Variants in SEMA5A observed in about 807,000 individuals in gnomAD.
The protein encoded by SEMA5A is semaphorin 5A.
Under a neutral mutation model 135.5 loss-of-function variants are expected in SEMA5A, and 55 were observed. That is an observed-to-expected ratio of 0.41 (90% CI 0.33 to 0.51). SEMA5A has a LOEUF of 0.51. SEMA5A is among the 20% of genes least tolerant of loss of function. The probability of loss-of-function intolerance (pLI) is 0.37; values close to 1 mark genes in which losing one functional copy is unlikely to be tolerated. For synonymous variants in SEMA5A, 580 were observed against 546.5 expected, an observed-to-expected ratio of 1.06 and a Z score of -0.85; for missense variants, 1,290 against 1,419.9, an observed-to-expected ratio of 0.91 and a Z score of 1.47.
chr5:9,484,922 G>A (rs1760020848), intron 1 of SEMA5A, among the ~76,000 whole-genome samples: 1 of 152,020 alleles, frequency 6.6e-6, no homozygotes, highest in South Asian at 2.1e-4. Context: ...CCATGAGTGG[G>A]GCTGCATATA....
At position 9,066,671 on chromosome 5, in the gene SEMA5A, T is replaced by TTAC. The variant is rs763576672; in HGVS notation, c.2074-28_2074-26dup. ...CCTGGGGAGAATGCGCAGACGAGTGTTACTATACGGGGTAAACAGAGCAAC... is the reference window on the plus strand; with the variant it reads ...CCTGGGGAGAATGCGCAGACGAGTGTTACTACTATACGGGGTAAACAGAGCAAC... On this transcript the variant is annotated intron_variant, in intron 16 of 22. Coordinates refer to ENST00000382496, the MANE Select transcript of SEMA5A (RefSeq NM_003966.3). 5.6e-6 allele frequency: 9 copies of TTAC among 1,607,120 alleles called. No homozygotes were observed. The African/African-American group carries it at 1.1e-4, about 19-fold the overall frequency.
intron 1 of SEMA5A, among the ~76,000 whole-genome samples, chr5:9,458,537 C>T (rs187876131): frequency 1.2e-4 from 18 of 152,316 alleles, no homozygotes; most frequent in African/African-American, 2.2e-4. Context: ...CTCGCCCATA[C>T]GCCACCCAGC....
intron 2 of SEMA5A, among the ~76,000 whole-genome samples, chr5:9,391,791 T>C (rs1756171629): frequency 6.6e-6 from 1 of 152,198 alleles, no homozygotes; most frequent in African/African-American, 2.4e-5. Context: ...CAGATAAATC[T>C]TTGTAAAGAG....
chr5:9,224,331 T>C (rs1427040844), intron 8 of SEMA5A, among the ~76,000 whole-genome samples: 1 of 152,028 alleles, frequency 6.6e-6, no homozygotes, highest in African/African-American at 2.4e-5. Flanking sequence ...ACACATAAAA[T>C]GGAAGTTAAG....
chr5:9,380,391 G>A (rs918822341), intron 2 of SEMA5A, among the ~76,000 whole-genome samples: 6 of 152,062 alleles, frequency 3.9e-5, no homozygotes, highest in East Asian at 3.9e-4. Context: ...AACCCCTTGC[G>A]CAAACACAGG....
chr5:9,410,231 G>A (rs1303110840), intron 2 of SEMA5A, among the ~76,000 whole-genome samples: 1 of 152,106 alleles, frequency 6.6e-6, no homozygotes, highest in African/African-American at 2.4e-5. Flanking sequence ...TATTAAGAAA[G>A]TAAAAATTAA....
intron 16 of SEMA5A, among the ~76,000 whole-genome samples, chr5:9,088,241 T>G (rs952991949): frequency 8.0e-5 from 12 of 150,826 alleles, no homozygotes; most frequent in African/African-American, 2.9e-4. Flanking sequence ...GAGGCAGAGG[T>G]TGCAGTGAGC....
At chr5:9,419,072 G>A (rs116638326) in intron 2 of SEMA5A, among the ~76,000 whole-genome samples, 1,821 of 150,024 alleles carry the variant, frequency 0.012, 32 homozygotes, top group African/African-American at 0.043. Context: ...TTGTGTCCTC[G>A]TATTCATTGA....
intron 16 of SEMA5A, among the ~76,000 whole-genome samples, chr5:9,084,356 G>C (rs545515826): frequency 1.9e-4 from 29 of 152,230 alleles, no homozygotes; most frequent in African/African-American, 6.5e-4. Context: ...TGATGTTTCT[G>C]TTGGCTTCCC....
intron 1 of SEMA5A, among the ~76,000 whole-genome samples, chr5:9,537,371 T>C (rs1032869460): frequency 3.3e-5 from 5 of 152,156 alleles, no homozygotes; most frequent in African/African-American, 4.8e-5. Flanking sequence ...ATCCTTGAAA[T>C]CTAGAGAACA....
At position 9,066,449 on chromosome 5, in the gene SEMA5A, G is replaced by A. The variant is rs1445532242; in HGVS notation, c.2271C>T (p.Ser757=). 4 of 1,614,208 alleles carry A rather than the reference G, an allele frequency of 2.5e-6. No individual in the cohort carries two copies. The highest frequency in any genetic ancestry group is 4.5e-5 in the East Asian group (2 of 44,890). ...RQRIEMRYCS[S]DGTSGCSTDG... Reference sequence around the variant, plus strand: ...CTGTGGAGCAGCCACTGGTGCCGTCGCTAGAACAGTACCGCATTTCGATTC... The same window carrying A: ...CTGTGGAGCAGCCACTGGTGCCGTCACTAGAACAGTACCGCATTTCGATTC... The change falls in exon 17 of 23, where the codon AGC becomes AGT. Residue 757 remains serine, a synonymous_variant. Transcript: ENST00000382496.
chr5:9,478,714 C>T (rs1251938310), intron 1 of SEMA5A, among the ~76,000 whole-genome samples: 3 of 152,202 alleles, frequency 2.0e-5, no homozygotes, highest in Admixed American at 1.3e-4. Context: ...TTGGAAGTAA[C>T]TAAATTGCTT....
Position 9,105,657 on chromosome 5 carries a change from C to T in SEMA5A, c.2073+2483G>A, listed in dbSNP as rs6885810. Among the ~76,000 whole-genome samples the T allele has an allele frequency of 3.4e-3, 516 of 152,230 alleles. 1 individual carries two copies. The highest frequency in any genetic ancestry group is 6.2e-3 in the Non-Finnish European group (420 of 68,014). On this transcript the variant is annotated intron_variant, in intron 16 of 22. Transcript: ENST00000382496. ...TGGCACCCTCCTTGATACAGGAGCTCTCAGTAGGAAAAACCATCACCGCCT... is the reference window on the plus strand; with the variant it reads ...TGGCACCCTCCTTGATACAGGAGCTTTCAGTAGGAAAAACCATCACCGCCT...
chr5:9,122,201 C>G lies in SEMA5A; in HGVS notation c.1781+455G>C, dbSNP rs146426597. Among the ~76,000 whole-genome samples the G allele has an allele frequency of 1.7e-3, 265 of 152,280 alleles. 2 individuals are homozygous for G. Among genetic ancestry groups the G allele is most frequent in the African/African-American group, 6.2e-3 (256 of 41,556 alleles). The stretch of plus-strand genomic sequence containing the variant: ...AATAGGTTATCTTATTTAAACTGCT[C>G]TCTTGATTACCCAGTGCCTAACGTT... On this transcript the variant is annotated intron_variant, in intron 14 of 22. Coordinates refer to ENST00000382496, the MANE Select transcript of SEMA5A (RefSeq NM_003966.3).
intron 1 of SEMA5A, among the ~76,000 whole-genome samples, chr5:9,467,268 G>A (rs745888798): frequency 3.9e-5 from 6 of 152,010 alleles, no homozygotes; most frequent in Non-Finnish European, 5.9e-5. Context: ...ATCAACCACT[G>A]TGCCTGGCTA....
intron 19 of SEMA5A, among the ~76,000 whole-genome samples, chr5:9,052,410 T>TCC (rs780332047): frequency 3.3e-5 from 5 of 152,148 alleles, no homozygotes; most frequent in Middle Eastern, 3.2e-3. Flanking sequence ...TGGGTAATGC[T>TCC]CCCCTCAAAG....
At chr5:9,232,195 T>A (rs1029642586) in intron 6 of SEMA5A, among the ~76,000 whole-genome samples, 4 of 152,166 alleles carry the variant, frequency 2.6e-5, no homozygotes, top group Admixed American at 6.5e-5. Context: ...GATTTTTTTT[T>A]AAACAGGTAT....
At chr5:9,427,103 G>T (rs1210108306) in intron 2 of SEMA5A, among the ~76,000 whole-genome samples, 1 of 152,170 alleles carries the variant, frequency 6.6e-6, no homozygotes, top group African/African-American at 2.4e-5. Context: ...ATGAGGTCAG[G>T]AATTCAAGAT....
intron 2 of SEMA5A, among the ~76,000 whole-genome samples, chr5:9,380,877 T>C (rs1391539743): frequency 2.0e-5 from 3 of 151,240 alleles, no homozygotes; most frequent in African/African-American, 7.3e-5. Flanking sequence ...CAAATCTGAG[T>C]GTAATGCTGG....
Sources: allele counts gnomAD v4.1 joint callset (sites outside exome capture counted in the v4.1 genomes callset), GRCh38; gene constraint gnomAD v4.1.1; transcripts MANE v1.5; gene names NCBI Gene and HGNC (gene_info 2026-07-23, HGNC 2026-07-21).